CSHL1: variants seen among roughly 807,000 people sequenced by gnomAD.
The protein encoded by CSHL1 is chorionic somatomammotropin hormone like 1, also known as chorionic somatomammotropin hormone-like 1.
A neutral mutation model predicts 24.3 loss-of-function variants in CSHL1; 25 were observed. The ratio of observed to expected loss-of-function variants is 1.03; its 90% CI spans 0.75 to 1.44. CSHL1 has a LOEUF of 1.44. CSHL1 is among the 40% of genes most tolerant of loss of function. The pLI is 0.00. For missense variants in CSHL1, 342 were observed against 279.3 expected, an observed-to-expected ratio of 1.22 and a Z score of -1.60; for synonymous variants, 157 against 115.6, an observed-to-expected ratio of 1.36 and a Z score of -2.30.
Position 63,910,515 on chromosome 17 carries a change from GTTCCTTTGTGATATAGGCTTC to G in CSHL1, c.191-1_210del. 6.2e-7 allele frequency: 1 copy of G among 1,614,170 alleles called. No individual in the cohort carries two copies. The highest frequency in any genetic ancestry group is 2.2e-5 in the East Asian group (1 of 44,890). On this transcript the variant is annotated splice_acceptor_variant and coding_sequence_variant, in exon 3 of 5. Coordinates refer to ENST00000309894, the MANE Select transcript of CSHL1 (RefSeq NM_022579.3). LOFTEE classifies it high-confidence loss of function. ...GAGTCATGCAGGAATGAATACTTCT[GTTCCTTTGTGATATAGGCTTC>G]TTCCTAGGGGAAGGACCCCCCACCA...
In CSHL1 at chr17:63,910,428, G is replaced by A. The variant is rs1313492084; in HGVS notation, c.298C>T (p.Gln100Ter). The change falls in exon 3 of 5, where the codon CAG (glutamine) becomes TAG (stop). Residue 100 changes from glutamine to a stop codon, truncating the protein, a stop_gained. Coordinates refer to ENST00000309894, the MANE Select transcript of CSHL1 (RefSeq NM_022579.3). LOFTEE classifies it high-confidence loss of function. ...AGACAGCATCCACTCACGGATTTCT[G>A]CTGCGTTTCCTCCATGTTGGAGGAT... is the stretch of plus-strand genomic sequence containing the variant. ...PTSSNMEETQ[Q>*]KSNLELLHIS... 43 of 1,614,214 alleles carry A rather than the reference G, an allele frequency of 2.7e-5. No homozygotes were observed. Among genetic ancestry groups the A allele is most frequent in the Non-Finnish European group, 3.6e-5 (43 of 1,180,048 alleles).
chr17:63,910,423 T>C lies in CSHL1; in HGVS notation c.303A>G (p.Lys101=). ...AGGGGAGACAGCATCCACTCACGGATTTCTGCTGCGTTTCCTCCATGTTGG... is the reference window on the plus strand; with the variant it reads ...AGGGGAGACAGCATCCACTCACGGACTTCTGCTGCGTTTCCTCCATGTTGG... ...TSSNMEETQQ[K]SNLELLHISL... is the part of the protein sequence containing the mutation. Residue 101 remains lysine, a synonymous_variant, in exon 3 of 5, where the codon AAA becomes AAG. Transcript: ENST00000309894. 1 of 1,614,200 alleles carries C rather than the reference T, an allele frequency of 6.2e-7. No homozygotes were observed. The highest frequency in any genetic ancestry group is 8.5e-7 in the Non-Finnish European group (1 of 1,180,038).
At chr17:63,910,568 A>T (rs1906881136) in intron 2 of CSHL1, 33 bp from the exon 3 acceptor site, 1 of 1,613,876 alleles carries the variant, frequency 6.2e-7, no homozygotes, top group African/African-American at 1.3e-5. Context: ...ACCAAGAAGG[A>T]CCACTGCTTT....
rs1410422810 is a variant in CSHL1, at chr17:63,910,924, C to G, written c.11G>C (p.Gly4Ala). 8 of 1,613,716 alleles carry G rather than the reference C, an allele frequency of 5.0e-6. No homozygotes were observed. The highest frequency in any genetic ancestry group is 1.3e-5 in the African/African-American group (1 of 74,776). The change falls in exon 2 of 5, where the codon GGC (glycine) becomes GCC (alanine). Residue 4 changes from glycine (G) to alanine (A), a missense_variant and splice_region_variant. Physicochemically the swap from Gly to Ala is moderately conservative, Grantham distance 60. Coordinates refer to ENST00000309894, the MANE Select transcript of CSHL1 (RefSeq NM_022579.3). MAA[G>A]SRTSLLLAFA... ...AGCCAGGAGCAGGGACGTCCGGGAG[C>G]CTGGGGAGAAACCGGAGGGCAAGAA...
intron 4 of CSHL1, 58 bp from the exon 5 acceptor site, chr17:63,909,966 T>C: frequency 6.2e-7 from 1 of 1,613,948 alleles, no homozygotes; most frequent in Non-Finnish European, 8.5e-7. Context: ...TCCCTCCCTC[T>C]CTCATTTATC....
rs1417027697 is a variant in CSHL1 at position 63,910,795 on chromosome 17, T to G, written c.140A>C (p.His47Pro). Reference sequence around the variant, plus strand: ...CTGGTAGGTGTCAATGGCCAGCTGGTGTGCGCGATGGGCTTGGAGCATAGC... The same window carrying G: ...CTGGTAGGTGTCAATGGCCAGCTGGGGTGCGCGATGGGCTTGGAGCATAGC... ...KEAMLQAHRA[H>P]QLAIDTYQEF... Residue 47 changes from histidine (H) to proline (P), a missense_variant, in exon 2 of 5, where the codon CAC (histidine) becomes CCC (proline). By Grantham distance (77) the His-to-Pro change is moderately conservative. Transcript: ENST00000309894. 6.2e-7 allele frequency: 1 copy of G among 1,614,144 alleles called. No homozygotes were observed. The highest frequency in any genetic ancestry group is 1.1e-5 in the South Asian group (1 of 91,078).
chr17:63,910,181 C>T lies in CSHL1; in HGVS notation c.452G>A (p.Gly151Asp). 1 of 1,614,194 alleles carries T rather than the reference C, an allele frequency of 6.2e-7. No homozygotes were observed. The highest frequency in any genetic ancestry group is 8.5e-7 in the Non-Finnish European group (1 of 1,180,038). ...CCTCACCCCCATCAGCATTTGGATG[C>T]CTTCCTCTAGGTCCTTTAGGAGGTG... ...DYHLLKDLEE[G>D]IQMLMGRLED... Residue 151 changes from glycine (G) to aspartate (D), a missense_variant, in exon 4 of 5, where the codon GGC becomes GAC. By Grantham distance (94) the Gly-to-Asp change is moderately conservative. Coordinates refer to ENST00000309894, the MANE Select transcript of CSHL1 (RefSeq NM_022579.3).
rs765454506 is a variant in CSHL1 at position 63,910,320 on chromosome 17, C to G, written c.313G>C (p.Glu105Gln). ...AGCAGCAGGGAGATGTGGAGCAGCT[C>G]TAAGTTCTGCAGGGGAAGGACCGGC... ...MEETQQKSNL[E>Q]LLHISLLLIE... Residue 105 changes from glutamate (E) to glutamine (Q), a missense_variant, in exon 4 of 5, where the codon GAG (glutamate) becomes CAG (glutamine). By Grantham distance (29) the Glu-to-Gln change is conservative. Coordinates refer to ENST00000309894, the MANE Select transcript of CSHL1 (RefSeq NM_022579.3). The G allele has an allele frequency of 2.5e-6, 4 of 1,614,172 alleles. No individual in the cohort carries two copies. The highest frequency in any genetic ancestry group is 3.4e-6 in the Non-Finnish European group (4 of 1,180,028).
Position 63,909,668 on chromosome 17 carries a change from A to C in CSHL1, c.*43T>G. On this transcript the variant is annotated 3_prime_UTR_variant, in exon 5 of 5. Transcript: ENST00000309894. ...GCACTGGAGTGGCACCTTCAGGGCC[A>C]GGAGAGGCACTGGGGAGGGGTCACA... 6.2e-7 allele frequency: 1 copy of C among 1,613,914 alleles called. No individual in the cohort carries two copies. The highest frequency in any genetic ancestry group is 8.5e-7 in the Non-Finnish European group (1 of 1,179,898).
Position 63,911,235 on chromosome 17 carries a change from C to T in CSHL1, c.-39G>A, listed in dbSNP as rs368972424. ...GCTGTCCACAGGACCCTGAGTGGTG[C>T]GGGGAGTCGGGCCTTGGGATGCTGG... On this transcript the variant is annotated 5_prime_UTR_variant, in exon 1 of 5. Transcript: ENST00000309894. 28 of 1,613,990 alleles carry T rather than the reference C, an allele frequency of 1.7e-5. No homozygotes were observed. The East Asian group carries it at 2.5e-4, about 14-fold the overall frequency.
chr17:63,909,787 C>T lies in CSHL1; in HGVS notation c.593G>A (p.Arg198Lys). The change falls in exon 5 of 5, where the codon AGG becomes AAG. Residue 198 changes from arginine (R) to lysine (K), a missense_variant. Transcript: ENST00000309894. ...TGTCTCGACCTTGTCCATGTCCTTC[C>T]TGAAGCAGTGGAGCAGCCCGTAGTT... ...LKNYGLLHCF[R>K]KDMDKVETFL... 1 of 1,614,034 alleles carries T rather than the reference C, an allele frequency of 6.2e-7. No homozygotes were observed. The highest frequency in any genetic ancestry group is 8.5e-7 in the Non-Finnish European group (1 of 1,179,952).
chr17:63,910,613 T>G, intron 2 of CSHL1, 78 bp from the exon 3 acceptor site: 5 of 1,614,138 alleles, frequency 3.1e-6, no homozygotes, highest in Non-Finnish European at 4.2e-6. Flanking sequence ...GTTACTCTTC[T>G]GGGAACCTGG....
Position 63,909,648 on chromosome 17 carries a change from G to A in CSHL1, c.*63C>T. 1.9e-6 allele frequency: 3 copies of A among 1,612,466 alleles called. No individual in the cohort carries two copies. The highest frequency in any genetic ancestry group is 3.3e-5 in the Admixed American group (2 of 59,986). ...TATTAAGACAAGGCTGGTGGGCACT[G>A]GAGTGGCACCTTCAGGGCCAGGAGA... On this transcript the variant is annotated 3_prime_UTR_variant, in exon 5 of 5. Transcript: ENST00000309894.
rs1000195267 is a variant in CSHL1, at chr17:63,911,213, G to A, written c.-17C>T. The A allele has an allele frequency of 5.6e-6, 9 of 1,613,894 alleles. No homozygotes were observed. The highest frequency in any genetic ancestry group is 7.6e-6 in the Non-Finnish European group (9 of 1,179,880). On this transcript the variant is annotated 5_prime_UTR_variant, in exon 1 of 5. Transcript: ENST00000309894. Reference sequence around the variant, plus strand: ...TGCAGCCATTGCCGCTAGGTGAGCTGTCCACAGGACCCTGAGTGGTGCGGG... The same window carrying A: ...TGCAGCCATTGCCGCTAGGTGAGCTATCCACAGGACCCTGAGTGGTGCGGG...
chr17:63,910,493 T>A lies in CSHL1; in HGVS notation c.233A>T (p.Asp78Val). Residue 78 changes from aspartate to valine, a missense_variant, in exon 3 of 5, where the codon GAC (aspartate) becomes GTC (valine). Asp to Val is a radical substitution (Grantham distance 152, BLOSUM62 -3). Transcript: ENST00000309894. ...TKEQKYSFLH[D>V]SQTSFCFSDS... ...TGAGAAGCAGAAGGAGGTCTGGGAG[T>A]CATGCAGGAATGAATACTTCTGTTC... 2 of 1,613,748 alleles carry A rather than the reference T, an allele frequency of 1.2e-6. No homozygotes were observed. Among genetic ancestry groups the A allele is most frequent in the South Asian group, 1.1e-5 (1 of 91,042 alleles).
chr17:63,910,738 C>T lies in CSHL1; in HGVS notation c.190+7G>A. On this transcript the variant is annotated splice_region_variant and intron_variant, in intron 2 of 4. Transcript: ENST00000309894. Reference sequence around the variant, plus strand: ...AGTCACCCCTTCTTGCCACCCCTGACCCGCACCCATTCCCCAAGAGCTTAT... The same window carrying T: ...AGTCACCCCTTCTTGCCACCCCTGATCCGCACCCATTCCCCAAGAGCTTAT... The T allele has an allele frequency of 1.2e-6, 2 of 1,614,238 alleles. No individual in the cohort carries two copies. The highest frequency in any genetic ancestry group is 1.1e-5 in the South Asian group (1 of 91,086).
In CSHL1 at chr17:63,910,709, G is replaced by A. The variant is rs2003778; in HGVS notation, c.190+36C>T. On this transcript the variant is annotated intron_variant, in intron 2 of 4. Coordinates refer to ENST00000309894, the MANE Select transcript of CSHL1 (RefSeq NM_022579.3). ...CTCCTCCCATTACTTCCCCAGTGGG[G>A]GAAAGTCACCCCTTCTTGCCACCCC... 4.9e-3 allele frequency: 7,955 copies of A among 1,614,130 alleles called. 343 individuals are homozygous for A. The African/African-American group carries it at 0.094, about 19-fold the overall frequency.
chr17:63,910,963 C>T (rs775614428), intron 1 of CSHL1, 39 bp from the exon 2 acceptor site: 7 of 1,612,670 alleles, frequency 4.3e-6, no homozygotes, highest in African/African-American at 4.0e-5. Context: ...AGCCGCAGAG[C>T]AAGAGGCCAG....
At chr17:63,910,984 G>T in intron 1 of CSHL1, 60 bp from the exon 2 acceptor site, 3 of 1,612,032 alleles carry the variant, frequency 1.9e-6, no homozygotes, top group Non-Finnish European at 2.5e-6. Context: ...CACTCTCCCT[G>T]TTCCAGGAGC....
Sources: gnomAD v4.1 joint callset for allele counts on GRCh38, gnomAD v4.1.1 for gene constraint, MANE v1.5 for transcripts, NCBI Gene and HGNC (gene_info 2026-07-23, HGNC 2026-07-21) for gene names.